ZNF385D: variants seen among roughly 807,000 people sequenced by gnomAD.
The protein encoded by ZNF385D is zinc finger protein 385D.
A neutral mutation model predicts 35.8 loss-of-function variants in ZNF385D; 15 were observed. The ratio of observed to expected loss-of-function variants is 0.42; its 90% CI spans 0.28 to 0.64. ZNF385D has a LOEUF of 0.64. Among genes scored for constraint, ZNF385D ranks in the 30% least tolerant of loss-of-function variants. The pLI, the probability that ZNF385D is intolerant of heterozygous loss-of-function variation, is 0.23. For missense variants in ZNF385D, 474 were observed against 494.6 expected (o/e 0.96, Z 0.39); for synonymous variants, 212 against 186.8 (o/e 1.13, Z -1.10).
At chr3:22,282,343 T>G (rs1009805174) in intron 2 of ZNF385D, among the ~76,000 whole-genome samples, 2 of 152,096 alleles carry the variant, frequency 1.3e-5, no homozygotes, top group Non-Finnish European at 2.9e-5. Flanking sequence ...TTGAGCTCTT[T>G]CAGACTTTTT....
At chr3:22,021,331 G>C (rs1043267522) in intron 3 of ZNF385D, among the ~76,000 whole-genome samples, 1 of 151,900 alleles carries the variant, frequency 6.6e-6, no homozygotes, top group African/African-American at 2.4e-5. Context: ...AGCTTGTGGG[G>C]GAGTCAGTGT....
chr3:21,902,210 C>G (rs1344933877), intron 3 of ZNF385D, among the ~76,000 whole-genome samples: 1 of 152,100 alleles, frequency 6.6e-6, no homozygotes, highest in African/African-American at 2.4e-5. Context: ...ATACACAATT[C>G]TTTTGTAATG....
chr3:22,179,123 AG>A (rs1452897966), intron 2 of ZNF385D, among the ~76,000 whole-genome samples: 1 of 152,184 alleles, frequency 6.6e-6, no homozygotes, highest in Non-Finnish European at 1.5e-5. Context: ...TCTGTGAAGA[AG>A]GTCATTGGTA....
intron 1 of ZNF385D, among the ~76,000 whole-genome samples, chr3:21,703,785 C>G (rs1398156439): frequency 6.6e-6 from 1 of 152,072 alleles, no homozygotes; most frequent in East Asian, 1.9e-4. Context: ...TTTGTAGCAT[C>G]TTCTCTTCTT....
intron 3 of ZNF385D, among the ~76,000 whole-genome samples, chr3:21,840,461 CTT>C (rs1462356100): frequency 6.6e-6 from 1 of 152,072 alleles, no homozygotes; most frequent in Non-Finnish European, 1.5e-5. Context: ...GCACTCCTTC[CTT>C]TTGTCTAGTT....
intron 2 of ZNF385D, among the ~76,000 whole-genome samples, chr3:21,657,481 G>A (rs1383724927): frequency 6.6e-6 from 1 of 151,920 alleles, no homozygotes; most frequent in Non-Finnish European, 1.5e-5. Context: ...CTGCTTCAGT[G>A]TGAAACGTAT....
rs183404767 is a variant in ZNF385D, at chr3:22,247,328, T to C, written c.107-78293A>G. ...AAAAACTAAAGTAAAAATGGTACAG[T>C]AGAAAGTGTGTATATTTAGCATGTA... is the stretch of plus-strand genomic sequence containing the variant. On this transcript the variant is annotated intron_variant, in intron 2 of 5. Transcript: ENST00000494108. Among the ~76,000 whole-genome samples the C allele has an allele frequency of 3.3e-4, 50 of 152,152 alleles. 1 individual carries two copies. The highest frequency in any genetic ancestry group is 2.6e-3 in the Admixed American group (40 of 15,270).
At chr3:21,814,006 G>T (rs548495708) in intron 3 of ZNF385D, among the ~76,000 whole-genome samples, 13 of 152,172 alleles carry the variant, frequency 8.5e-5, no homozygotes, top group African/African-American at 2.7e-4. Context: ...CAGATCTCTC[G>T]GCAGAAACCA....
At chr3:22,031,396 G>T (rs1268936788) in intron 3 of ZNF385D, among the ~76,000 whole-genome samples, 1 of 152,166 alleles carries the variant, frequency 6.6e-6, no homozygotes, top group Non-Finnish European at 1.5e-5. Flanking sequence ...CTAGGCAGAG[G>T]TTCCCAAAAC....
intron 3 of ZNF385D, among the ~76,000 whole-genome samples, chr3:22,048,865 T>C (rs1212617056): frequency 6.6e-6 from 1 of 152,208 alleles, no homozygotes; most frequent in African/African-American, 2.4e-5. Flanking sequence ...ATTAATTCTT[T>C]CAATTCATGA....
chr3:22,314,986 G>C (rs1703805547), intron 2 of ZNF385D, among the ~76,000 whole-genome samples: 1 of 152,092 alleles, frequency 6.6e-6, no homozygotes, highest in Admixed American at 6.6e-5. Context: ...ATCACATGTA[G>C]GTCTTGAAGA....
At chr3:21,698,694 C>G (rs1470068934) in intron 1 of ZNF385D, among the ~76,000 whole-genome samples, 2 of 151,780 alleles carry the variant, frequency 1.3e-5, no homozygotes, top group Non-Finnish European at 2.9e-5. Flanking sequence ...TGAACTGACA[C>G]TTCTCAAAAG....
At chr3:21,857,274 T>C (rs2630808) in intron 3 of ZNF385D, among the ~76,000 whole-genome samples, 67,402 of 151,914 alleles carry the variant, frequency 0.44, 15,249 homozygotes, top group South Asian at 0.49. Context: ...TAATATTGTG[T>C]GTCAACATGA....
At chr3:22,279,519 CAT>C (rs1300378543) in intron 2 of ZNF385D, among the ~76,000 whole-genome samples, 1 of 124,392 alleles carries the variant, frequency 8.0e-6, no homozygotes, top group Admixed American at 7.6e-5. Flanking sequence ...TATGTATATA[CAT>C]ATACATATGT....
chr3:21,778,076 G>A (rs186672419), intron 3 of ZNF385D, among the ~76,000 whole-genome samples: 2 of 151,906 alleles, frequency 1.3e-5, no homozygotes, highest in Non-Finnish European at 2.9e-5. Flanking sequence ...AACAGCAATG[G>A]CAAACTAATA....
intron 3 of ZNF385D, among the ~76,000 whole-genome samples, chr3:22,035,629 G>C (rs1358510081): frequency 1.3e-5 from 2 of 152,186 alleles, no homozygotes; most frequent in African/African-American, 4.8e-5. Context: ...AGAAAGTTAA[G>C]TAGCCAGATC....
chr3:22,111,755 G>T (rs1218934511), intron 3 of ZNF385D, among the ~76,000 whole-genome samples: 1 of 152,092 alleles, frequency 6.6e-6, no homozygotes, highest in Non-Finnish European at 1.5e-5. Flanking sequence ...TATCCCTTCT[G>T]ACTATTTTCC....
chr3:22,038,001 G>T (rs370390235), intron 3 of ZNF385D, among the ~76,000 whole-genome samples: 1 of 152,024 alleles, frequency 6.6e-6, no homozygotes, highest in Non-Finnish European at 1.5e-5. Flanking sequence ...TTAATAAATG[G>T]TGCTGGGAAA....
chr3:21,418,324 A>T lies in ZNF385D; in HGVS notation c.*2890T>A, dbSNP rs1700600577. On this transcript the variant is annotated 3_prime_UTR_variant, in exon 8 of 8. Coordinates refer to ENST00000281523, the MANE Select transcript of ZNF385D (RefSeq NM_024697.3). ...TGAAAAAAGTTCCCTAAGGGAAAAG[A>T]TACAGTTTTATGGCAGCCTGAACTA... 2 of 152,128 alleles carry T rather than the reference A, an allele frequency of 1.3e-5. No homozygotes were observed. The highest frequency in any genetic ancestry group is 6.6e-5 in the Admixed American group (1 of 15,260). The allele number at this position is 152,128 out of a possible 1,614,324, so 9.4% of individuals were successfully genotyped here.
Sources: gnomAD v4.1 joint callset for allele counts (sites outside exome capture counted in the v4.1 genomes callset) on GRCh38, gnomAD v4.1.1 for gene constraint, MANE v1.5 for transcripts, NCBI Gene and HGNC (gene_info 2026-07-23, HGNC 2026-07-21) for gene names.